EIF3L: variants seen among roughly 807,000 people sequenced by gnomAD.
EIF3L encodes the protein eIEF associated protein HSPC021.
In EIF3L, 32 loss-of-function variants were observed where a neutral mutation model predicts 74.6. The observed-to-expected ratio is 0.43, with a 90% CI of 0.32 to 0.58. The LOEUF is 0.58. Among genes scored for constraint, EIF3L ranks in the 20% least tolerant of loss-of-function variants. EIF3L has a pLI of 0.06. For missense variants in EIF3L, 474 were observed against 707.8 expected (o/e 0.67, Z 3.75); for synonymous variants, 256 against 254.4 (o/e 1.01, Z -0.06).
intron 5 of EIF3L, among the ~76,000 whole-genome samples, chr22:37,859,379 T>TTC (rs1313348939): frequency 2.3e-5 from 3 of 128,452 alleles, no homozygotes; most frequent in African/African-American, 9.5e-5. Context: ...AGTTTCTTTT[T>TTC]TTTTTTTTTT....
rs771066209 is a variant in EIF3L, at chr22:37,874,524, G to A, written c.906G>A (p.Lys302=). The A allele has an allele frequency of 6.2e-7, 1 of 1,613,300 alleles. No homozygotes were observed. The highest frequency in any genetic ancestry group is 1.7e-5 in the Admixed American group (1 of 59,916). ...TGGAGAACATCGAACTGAACAAGAAGGTGATGCCTATTGCCTCTGGCCCCT... is the reference window on the plus strand; with the variant it reads ...TGGAGAACATCGAACTGAACAAGAAAGTGATGCCTATTGCCTCTGGCCCCT... The part of the protein sequence containing the change: ...KVLENIELNK[K]SMYSRVPECQ... Residue 302 remains lysine, a splice_region_variant and synonymous_variant, in exon 9 of 13, where the codon AAG becomes AAA. Coordinates refer to ENST00000652021, the MANE Select transcript of EIF3L (RefSeq NM_016091.4).
At chr22:37,878,443 A>C (rs1464174772) in intron 11 of EIF3L, 2 of 277,992 alleles carry the variant, frequency 7.2e-6, no homozygotes. Context: ...AAAACACAAG[A>C]GATAAACAAT....
chr22:37,849,896 G>A (rs1331571166), intron 1 of EIF3L, 119 bp from the exon 2 acceptor site: 2 of 1,079,206 alleles, frequency 1.9e-6, no homozygotes, highest in East Asian at 2.4e-5. Flanking sequence ...CTCAAAGGCA[G>A]GCACAGTGTC....
At chr22:37,858,333 T>C (rs1483225179) in intron 4 of EIF3L, among the ~76,000 whole-genome samples, 1 of 139,520 alleles carries the variant, frequency 7.2e-6, no homozygotes, top group Non-Finnish European at 1.5e-5. Context: ...CAAGCGATCC[T>C]CCCACCTTAG....
chr22:37,877,356 C>T (rs1177224784), intron 10 of EIF3L: 1 of 290,236 alleles, frequency 3.4e-6, no homozygotes, highest in Admixed American at 4.6e-5. Flanking sequence ...ATCAAGGTTG[C>T]ATCAAAGGTT....
intron 1 of EIF3L, chr22:37,849,797 C>T (rs1023269084): frequency 3.6e-5 from 22 of 619,450 alleles, no homozygotes; most frequent in East Asian, 1.4e-4. Context: ...TTCCCACAGC[C>T]TCTTGTCCTT....
chr22:37,858,248 A>G (rs1302349143), intron 4 of EIF3L, among the ~76,000 whole-genome samples: 2 of 76,724 alleles, frequency 2.6e-5, no homozygotes. Flanking sequence ...TTTTTTTGAC[A>G]TGGGGGTCTC....
chr22:37,863,103 C>CTTTTT (rs61195610), intron 6 of EIF3L, 65 bp downstream of exon 6: 1 of 1,025,570 alleles, frequency 9.8e-7, no homozygotes, highest in Admixed American at 3.1e-5. Flanking sequence ...TGGCCTCCAG[C>CTTTTT]TTTTTTTTTT....
At chr22:37,867,027 T>C (rs921394135) in intron 7 of EIF3L, among the ~76,000 whole-genome samples, 1 of 152,176 alleles carries the variant, frequency 6.6e-6, no homozygotes, top group Non-Finnish European at 1.5e-5. Context: ...TGAGAGCAAC[T>C]GTTGGTTTTT....
chr22:37,870,958 C>G (rs1021490909), intron 8 of EIF3L, among the ~76,000 whole-genome samples: 6 of 151,338 alleles, frequency 4.0e-5, no homozygotes, highest in African/African-American at 1.5e-4. Flanking sequence ...GACTTTGTCT[C>G]AAAAAAAATG....
At chr22:37,880,630 T>A (rs1927000850) in intron 11 of EIF3L, 1 of 152,232 alleles carries the variant, frequency 6.6e-6, no homozygotes. Flanking sequence ...GGTCTCGAAC[T>A]CTGATATGTG....
chr22:37,882,772 C>G (rs139845), intron 11 of EIF3L: 43,787 of 151,816 alleles, frequency 0.29, 7,707 homozygotes, highest in Non-Finnish European at 0.38. Flanking sequence ...GGAGGCCGAG[C>G]TAGGCGGAAC....
intron 6 of EIF3L, 65 bp downstream of exon 6, chr22:37,863,103 CTTT>C (rs61195610): frequency 8.7e-3 from 8,791 of 1,014,406 alleles, no homozygotes; most frequent in South Asian, 0.013. Context: ...TGGCCTCCAG[CTTT>C]TTTTTTTTTT....
At chr22:37,885,147 A>C (rs1927253946) in intron 11 of EIF3L, 1 of 150,704 alleles carries the variant, frequency 6.6e-6, no homozygotes. Context: ...TCAAATACAA[A>C]CTCTTGGGCT....
In EIF3L at chr22:37,849,972, C is replaced by T. The variant is rs377650685; in HGVS notation, c.34-43C>T. The T allele has an allele frequency of 3.0e-4, 490 of 1,611,860 alleles. 1 individual carries two copies. The highest frequency in any genetic ancestry group is 4.0e-4 in the Non-Finnish European group (473 of 1,178,356). On this transcript the variant is annotated intron_variant, in intron 1 of 12. Transcript: ENST00000652021. ...GACTCTAGGATGAGCGTTTTGAATT[C>T]ACGACTTGGCGGCTGTCCTTGACTG...
chr22:37,880,898 G>C (rs1255279666), intron 11 of EIF3L: 3 of 152,218 alleles, frequency 2.0e-5, no homozygotes, highest in Non-Finnish European at 4.4e-5. Context: ...AATTGAGTGA[G>C]TCACCGTCCA....
chr22:37,870,388 A>C, intron 8 of EIF3L, 41 bp downstream of exon 8: 2 of 1,545,850 alleles, frequency 1.3e-6, no homozygotes, highest in Non-Finnish European at 1.7e-6. Flanking sequence ...GCGAATTTCC[A>C]GCTGCTTGCC....
chr22:37,867,116 C>A (rs537220596), intron 7 of EIF3L, among the ~76,000 whole-genome samples: 1 of 152,204 alleles, frequency 6.6e-6, no homozygotes, highest in South Asian at 2.1e-4. Context: ...TAGCTCATTG[C>A]AGCCTTGACC....
chr22:37,853,199 A>G (rs1601752172), intron 3 of EIF3L, among the ~76,000 whole-genome samples: 1 of 152,188 alleles, frequency 6.6e-6, no homozygotes, highest in African/African-American at 2.4e-5. Flanking sequence ...CTAAAATGCT[A>G]CTGATGATGA....
Sources: gnomAD v4.1 joint callset for allele counts (sites outside exome capture counted in the v4.1 genomes callset) on GRCh38, gnomAD v4.1.1 for gene constraint, MANE v1.5 for transcripts, NCBI Gene and HGNC (gene_info 2026-07-23, HGNC 2026-07-21) for gene names.